CHMP1A: variants seen among roughly 807,000 people sequenced by gnomAD.
CHMP1A encodes the protein charged multivesicular body protein 1A.
A neutral mutation model predicts 27.0 loss-of-function variants in CHMP1A; 17 were observed. The observed-to-expected ratio is 0.63, with a 90% CI of 0.43 to 0.95. CHMP1A has a LOEUF of 0.95. Among genes scored for constraint, CHMP1A ranks in the 40% least tolerant of loss-of-function variants. The pLI is 0.00. For synonymous variants in CHMP1A, 131 were observed against 107.5 expected, an observed-to-expected ratio of 1.22 and a Z score of -1.35; for missense variants, 275 against 264.0, an observed-to-expected ratio of 1.04 and a Z score of -0.29.
chr16:89,646,960 G>T, intron 5 of CHMP1A: 2 of 1,317,480 alleles, frequency 1.5e-6, no homozygotes, highest in Non-Finnish European at 2.0e-6. Flanking sequence ...ACCTCTGCAT[G>T]CTTGTCTGCC....
chr16:89,647,038 T>G, intron 5 of CHMP1A, 165 bp downstream of exon 5: 1 of 1,524,860 alleles, frequency 6.6e-7, no homozygotes, highest in Non-Finnish European at 8.8e-7. Context: ...ACCCTACCTG[T>G]CAGGGTCCTG....
At chr16:89,657,060 G>GAT in intron 1 of CHMP1A, among the ~76,000 whole-genome samples, 1 of 150,700 alleles carries the variant, frequency 6.6e-6, no homozygotes, top group Admixed American at 6.6e-5. Context: ...CGGGGGTCGG[G>GAT]GATCGAGGCC....
chr16:89,651,950 G>A (rs1159070917), intron 2 of CHMP1A, among the ~76,000 whole-genome samples: 3 of 152,198 alleles, frequency 2.0e-5, no homozygotes, highest in African/African-American at 7.2e-5. Context: ...CAGAGCGGAA[G>A]GGTCAAAAAC....
rs575385464 is a variant in CHMP1A at position 89,657,706 on chromosome 16, G to A, written c.-118C>T. The stretch of plus-strand genomic sequence containing the variant: ...GCACCCGGCGGGGACTTCCGGGGTC[G>A]CCGCCCCACTTCCGGTCGCACGGGA... On this transcript the variant is annotated 5_prime_UTR_variant, in exon 1 of 7. Transcript: ENST00000397901. 2.4e-4 allele frequency: 374 copies of A among 1,551,180 alleles called. No individual in the cohort carries two copies. In the African/African-American group the frequency reaches 4.0e-3, roughly 16 times the overall value.
intron 4 of CHMP1A, chr16:89,649,079 G>C (rs988229907): frequency 2.6e-5 from 11 of 427,690 alleles, no homozygotes; most frequent in Non-Finnish European, 4.1e-5. Context: ...GGTCCTTCCT[G>C]GGGCATCAGT....
At chr16:89,650,247 C>T (rs558805402) in intron 3 of CHMP1A, among the ~76,000 whole-genome samples, 3 of 151,798 alleles carry the variant, frequency 2.0e-5, no homozygotes, top group South Asian at 2.1e-4. Flanking sequence ...AGTGTGATCT[C>T]GGCTCACTGC....
At chr16:89,650,689 C>T (rs1218830265) in intron 3 of CHMP1A, among the ~76,000 whole-genome samples, 2 of 151,904 alleles carry the variant, frequency 1.3e-5, no homozygotes, top group African/African-American at 4.8e-5. Flanking sequence ...GCTTGTAATC[C>T]CAGCTACCCA....
chr16:89,654,632 C>T (rs1394891890), intron 1 of CHMP1A, among the ~76,000 whole-genome samples: 1 of 151,938 alleles, frequency 6.6e-6, no homozygotes, highest in Non-Finnish European at 1.5e-5. Flanking sequence ...AGTCAGACCT[C>T]ATCTCTATTA....
chr16:89,655,023 C>T (rs2059853676), intron 1 of CHMP1A, among the ~76,000 whole-genome samples: 1 of 152,132 alleles, frequency 6.6e-6, no homozygotes, highest in Non-Finnish European at 1.5e-5. Flanking sequence ...GAGAGCGACC[C>T]TGACCCCAGA....
At position 89,646,657 on chromosome 16, in the gene CHMP1A, C is replaced by T. The variant is rs2059776162; in HGVS notation, c.439G>A (p.Asp147Asn). The T allele has an allele frequency of 1.9e-6, 3 of 1,610,908 alleles. No homozygotes were observed. The highest frequency in any genetic ancestry group is 2.5e-6 in the Non-Finnish European group (3 of 1,179,104). The change falls in exon 6 of 7, where the codon GAC becomes AAC. Residue 147 changes from aspartate (D) to asparagine (N), a missense_variant. Physicochemically the swap from Asp to Asn is conservative, Grantham distance 23 (BLOSUM62 1). Transcript: ENST00000397901. ...TCGGCGATCTGCATGATGAGGCTGT[C>T]CACCTGCTCCTGCGGCGTGGTCAGG... ...TTLTTPQEQV[D>N]SLIMQIAEEN...
chr16:89,653,841 C>T (rs897487826), intron 2 of CHMP1A, 63 bp downstream of exon 2: 18 of 1,530,518 alleles, frequency 1.2e-5, no homozygotes, highest in African/African-American at 8.2e-5. Flanking sequence ...TCTGAGTGAG[C>T]GTGGCTTATA....
chr16:89,651,314 T>C, intron 3 of CHMP1A, among the ~76,000 whole-genome samples: 1 of 94,744 alleles, frequency 1.1e-5, no homozygotes, highest in South Asian at 4.1e-4. Context: ...GAGGTTGCAG[T>C]GAGACGAGAT....
intron 2 of CHMP1A, among the ~76,000 whole-genome samples, chr16:89,652,368 C>G (rs1478647423): frequency 6.8e-6 from 1 of 147,878 alleles, no homozygotes; most frequent in Non-Finnish European, 1.5e-5. Context: ...GGAAACAGGG[C>G]CTCTGGCAAC....
rs1165984213 is a variant in CHMP1A, at chr16:89,653,903, C to T, written c.27+1G>A. 6.2e-7 allele frequency: 1 copy of T among 1,613,618 alleles called. No individual in the cohort carries two copies. Among genetic ancestry groups the T allele is most frequent in the East Asian group, 2.2e-5 (1 of 44,878 alleles). On this transcript the variant is annotated splice_donor_variant, in intron 2 of 6. Coordinates refer to ENST00000397901, the MANE Select transcript of CHMP1A (RefSeq NM_002768.5). LOFTEE classifies it high-confidence loss of function. ...GGGGTGAACGGCCATTCGGTACATA[C>T]CTTCAACTGGAACAGGGTATCTGCA... is the stretch of plus-strand genomic sequence containing the variant.
At chr16:89,653,622 C>CAAAAAA in intron 2 of CHMP1A, among the ~76,000 whole-genome samples, 1 of 51,516 alleles carries the variant, frequency 1.9e-5, no homozygotes. Context: ...GACGCCGTCT[C>CAAAAAA]AAAAAAAAAA....
Position 89,645,710 on chromosome 16 carries a change from C to A in CHMP1A, c.*356G>T. 2.3e-6 allele frequency: 1 copy of A among 428,112 alleles called. No homozygotes were observed. The highest frequency in any genetic ancestry group is 4.2e-6 in the Non-Finnish European group (1 of 238,234). 26.5% of individuals were successfully genotyped at this position (428,112 alleles called of 1,614,324 possible). A position where few individuals can be genotyped will look rare whatever the true frequency, so the allele number is the denominator to read the frequency against. On this transcript the variant is annotated 3_prime_UTR_variant, in exon 7 of 7. Coordinates refer to ENST00000397901, the MANE Select transcript of CHMP1A (RefSeq NM_002768.5). ...AGGGAGTTGTTTGGCAACAGGGCAG[C>A]CCTGACCCCCTCTGGCTGATGGGAA...
At chr16:89,647,122 C>T (rs1183899073) in intron 5 of CHMP1A, 81 bp downstream of exon 5, 1 of 1,558,574 alleles carries the variant, frequency 6.4e-7, no homozygotes. Flanking sequence ...GCACGTCAGC[C>T]TGTGAGCCAC....
At chr16:89,652,011 G>GA (rs1375271512) in intron 2 of CHMP1A, among the ~76,000 whole-genome samples, 15 of 152,230 alleles carry the variant, frequency 9.9e-5, no homozygotes, top group African/African-American at 3.6e-4. Flanking sequence ...CAACGTCAAA[G>GA]AAAGACTGAA....
intron 4 of CHMP1A, among the ~76,000 whole-genome samples, chr16:89,648,671 G>A (rs2059799748): frequency 6.6e-6 from 1 of 151,992 alleles, no homozygotes; most frequent in African/African-American, 2.4e-5. Context: ...TGGGAAGATT[G>A]CTTGAGGCCA....
Sources: gnomAD v4.1 joint callset for allele counts (sites outside exome capture counted in the v4.1 genomes callset) on GRCh38, gnomAD v4.1.1 for gene constraint, MANE v1.5 for transcripts, NCBI Gene and HGNC (gene_info 2026-07-23, HGNC 2026-07-21) for gene names.